Variants in MACROD2 observed in about 807,000 individuals in gnomAD.
The protein encoded by MACROD2 is mono-ADP ribosylhydrolase 2, also known as ADP-ribose glycohydrolase MACROD2.
MACROD2 carries 36 observed loss-of-function variants against 70.4 expected under a neutral mutation model. The observed-to-expected ratio is 0.51, with a 90% confidence interval of 0.39 to 0.68. MACROD2 has a LOEUF of 0.68. Among genes scored for constraint, MACROD2 ranks in the 30% least tolerant of loss-of-function variants. The probability of loss-of-function intolerance (pLI) is 0.00; values close to 1 mark genes in which losing one functional copy is unlikely to be tolerated. For synonymous variants in MACROD2, 172 were observed against 178.8 expected, an observed-to-expected ratio of 0.96 and a Z score of 0.30; for missense variants, 496 against 538.4, an observed-to-expected ratio of 0.92 and a Z score of 0.78.
At chr20:14,234,158 T>C (rs1292510966) in intron 3 of MACROD2, among the ~76,000 whole-genome samples, 2 of 152,146 alleles carry the variant, frequency 1.3e-5, no homozygotes, top group Non-Finnish European at 2.9e-5. Context: ...AGAGGGTATA[T>C]GGGGACTCTG....
chr20:15,633,219 GTT>G (rs11478505), intron 8 of MACROD2, among the ~76,000 whole-genome samples: 40 of 151,020 alleles, frequency 2.6e-4, no homozygotes, highest in African/African-American at 7.3e-4. Flanking sequence ...AAGAGGACTA[GTT>G]TTTTTTTTAT....
At chr20:14,880,304 T>C (rs1269967359) in intron 5 of MACROD2, among the ~76,000 whole-genome samples, 1 of 152,194 alleles carries the variant, frequency 6.6e-6, no homozygotes, top group African/African-American at 2.4e-5. Flanking sequence ...AATTTTATCT[T>C]CTGCTGCATT....
intron 3 of MACROD2, among the ~76,000 whole-genome samples, chr20:14,329,484 T>C (rs1362089599): frequency 1.3e-5 from 2 of 152,106 alleles, no homozygotes; most frequent in African/African-American, 2.4e-5. Context: ...TTTAGACTTC[T>C]CATTTTCTTA....
intron 5 of MACROD2, among the ~76,000 whole-genome samples, chr20:15,090,789 G>A (rs1324405000): frequency 1.3e-5 from 2 of 152,010 alleles, no homozygotes; most frequent in Non-Finnish European, 2.9e-5. Context: ...ACACAGAAAT[G>A]TCCTTGGAAC....
chr20:14,387,766 T>G (rs778587252), intron 3 of MACROD2, among the ~76,000 whole-genome samples: 1 of 152,184 alleles, frequency 6.6e-6, no homozygotes, highest in African/African-American at 2.4e-5. Flanking sequence ...TTCATTGAAA[T>G]TTGCCATGCC....
intron 4 of MACROD2, among the ~76,000 whole-genome samples, chr20:14,518,265 A>G (rs1169728022): frequency 6.6e-6 from 1 of 151,938 alleles, no homozygotes; most frequent in African/African-American, 2.4e-5. Context: ...TTTTATATGT[A>G]TATTTGAATC....
At chr20:14,263,138 T>C (rs2082114320) in intron 3 of MACROD2, among the ~76,000 whole-genome samples, 1 of 151,998 alleles carries the variant, frequency 6.6e-6, no homozygotes, top group Admixed American at 6.6e-5. Context: ...TTTTTGATAC[T>C]AGAGGAAGGA....
chr20:15,747,710 A>G (rs1186762699), intron 8 of MACROD2, among the ~76,000 whole-genome samples: 1 of 151,922 alleles, frequency 6.6e-6, no homozygotes, highest in Non-Finnish European at 1.5e-5. Flanking sequence ...CAATTCTCAG[A>G]TTTTCCACGG....
chr20:15,448,358 T>C (rs1008384757), intron 7 of MACROD2, among the ~76,000 whole-genome samples: 11 of 152,256 alleles, frequency 7.2e-5, no homozygotes, highest in Non-Finnish European at 1.3e-4. Context: ...GCAAGGCCCC[T>C]GGAGGGATGC....
intron 6 of MACROD2, among the ~76,000 whole-genome samples, chr20:15,397,905 A>T (rs1223682426): frequency 1.3e-5 from 2 of 152,214 alleles, no homozygotes; most frequent in African/African-American, 4.8e-5. Flanking sequence ...TATAAACAAT[A>T]TGACAAATCC....
intron 10 of MACROD2, among the ~76,000 whole-genome samples, chr20:15,894,803 G>A (rs1051444249): frequency 1.3e-5 from 2 of 152,146 alleles, no homozygotes; most frequent in African/African-American, 2.4e-5. Context: ...GTTTAAAATC[G>A]TTCAGAGGAG....
chr20:14,995,940 A>C (rs1229125303), intron 5 of MACROD2, among the ~76,000 whole-genome samples: 1 of 152,204 alleles, frequency 6.6e-6, no homozygotes, highest in Non-Finnish European at 1.5e-5. Flanking sequence ...CGAAAGTAAA[A>C]CAAAGGTAAT....
intron 12 of MACROD2, among the ~76,000 whole-genome samples, chr20:15,964,736 G>A (rs2066114321): frequency 6.6e-6 from 1 of 152,150 alleles, no homozygotes; most frequent in African/African-American, 2.4e-5. Context: ...AAAACATACA[G>A]AATCAAATCT....
chr20:14,967,029 T>G (rs2074643879), intron 5 of MACROD2, among the ~76,000 whole-genome samples: 1 of 151,686 alleles, frequency 6.6e-6, no homozygotes, highest in Non-Finnish European at 1.5e-5. Context: ...TATTGATGGG[T>G]GTGTACTGAT....
intron 6 of MACROD2, among the ~76,000 whole-genome samples, chr20:15,319,993 C>T (rs1225343809): frequency 6.6e-6 from 1 of 152,074 alleles, no homozygotes; most frequent in East Asian, 1.9e-4. Context: ...CGGATCACCT[C>T]AGGTCAGGAG....
At chr20:15,871,998 A>C (rs2064592018) in intron 9 of MACROD2, among the ~76,000 whole-genome samples, 1 of 152,208 alleles carries the variant, frequency 6.6e-6, no homozygotes, top group South Asian at 2.1e-4. Flanking sequence ...AGGCTAAAGA[A>C]AAGTCAGTAA....
At chr20:14,812,535 G>A (rs2072727842) in intron 5 of MACROD2, among the ~76,000 whole-genome samples, 2 of 151,878 alleles carry the variant, frequency 1.3e-5, no homozygotes, top group South Asian at 2.1e-4. Flanking sequence ...AAACCTGCAC[G>A]TTCTGCACAT....
At chr20:14,283,372 T>C (rs2082321050) in intron 3 of MACROD2, among the ~76,000 whole-genome samples, 1 of 152,202 alleles carries the variant, frequency 6.6e-6, no homozygotes, top group African/African-American at 2.4e-5. Context: ...TGATAATTAC[T>C]TAAGAACAAT....
intron 9 of MACROD2, among the ~76,000 whole-genome samples, chr20:15,867,428 C>T (rs2109538): frequency 6.6e-6 from 1 of 151,998 alleles, no homozygotes; most frequent in African/African-American, 2.4e-5. Flanking sequence ...TTTCCTTCCA[C>T]AAGTATTATT....
Sources: gnomAD v4.1 joint callset for allele counts (sites outside exome capture counted in the v4.1 genomes callset) on GRCh38, gnomAD v4.1.1 for gene constraint, MANE v1.5 for transcripts, NCBI Gene and HGNC (gene_info 2026-07-23, HGNC 2026-07-21) for gene names.